PTPN9: variants seen among roughly 807,000 people sequenced by gnomAD.
PTPN9 encodes protein tyrosine phosphatase non-receptor type 9.
Under a neutral mutation model 69.8 loss-of-function variants are expected in PTPN9, and 26 were observed. That is an observed-to-expected ratio of 0.37 (90% CI 0.27 to 0.52). PTPN9 has a LOEUF of 0.52. PTPN9 is among the 20% of genes least tolerant of loss of function. PTPN9 has a pLI of 0.91. For missense variants in PTPN9, 549 were observed against 740.3 expected (o/e 0.74, Z 3.00); for synonymous variants, 274 against 272.5 (o/e 1.01, Z -0.05).
At chr15:75,570,308 C>T (rs1293588572) in intron 1 of PTPN9, 1 of 152,126 alleles carries the variant, frequency 6.6e-6, no homozygotes, top group Non-Finnish European at 1.5e-5. Context: ...ATGGTAACTT[C>T]CAGGGAGACA....
chr15:75,488,487 AAACAAGTTATATTAAAAAGGAATTATG>A (rs896730796), intron 8 of PTPN9, among the ~76,000 whole-genome samples: 4 of 152,084 alleles, frequency 2.6e-5, no homozygotes, highest in African/African-American at 4.8e-5. Context: ...ATGTTGCTGT[AAACAAGTTATATTAAAAAGGAATTATG>A]GCCAGGCACA....
intron 1 of PTPN9, among the ~76,000 whole-genome samples, chr15:75,564,622 C>T (rs2075119080): frequency 6.6e-6 from 1 of 150,690 alleles, no homozygotes; most frequent in South Asian, 2.1e-4. Flanking sequence ...TATGACACCA[C>T]ATTATCATGC....
chr15:75,576,897 C>T (rs550141901), intron 1 of PTPN9, among the ~76,000 whole-genome samples: 5 of 152,056 alleles, frequency 3.3e-5, no homozygotes, highest in Non-Finnish European at 5.9e-5. Context: ...AATATGGTAA[C>T]ATTAGGCATT....
rs1195734958 is a variant in PTPN9 at position 75,470,743 on chromosome 15, G to C, written c.1296C>G (p.Thr432=). 2 of 1,614,110 alleles carry C rather than the reference G, an allele frequency of 1.2e-6. No individual in the cohort carries two copies. Among genetic ancestry groups the C allele is most frequent in the Non-Finnish European group, 1.7e-6 (2 of 1,179,980 alleles). The change falls in exon 11 of 13, where the codon ACC becomes ACG. Residue 432 remains threonine, a synonymous_variant. Transcript: ENST00000618819. ...SRIRFGFLTV[T]NLGVENMNHY... Reference sequence around the variant, plus strand: ...GATTCATGTTCTCCACGCCTAGATTGGTCACTGTGAGGAAGCCAAATCGGA... The same window carrying C: ...GATTCATGTTCTCCACGCCTAGATTCGTCACTGTGAGGAAGCCAAATCGGA...
chr15:75,564,184 C>T (rs1399279105), intron 1 of PTPN9, among the ~76,000 whole-genome samples: 1 of 151,788 alleles, frequency 6.6e-6, no homozygotes, highest in Non-Finnish European at 1.5e-5. Flanking sequence ...TTCCTGGGCT[C>T]AATCGATCCT....
chr15:75,523,784 T>A (rs2074915178), intron 3 of PTPN9, among the ~76,000 whole-genome samples: 1 of 152,192 alleles, frequency 6.6e-6, no homozygotes, highest in African/African-American at 2.4e-5. Flanking sequence ...GTACAACTGA[T>A]TTTCCATAAT....
At position 75,480,113 on chromosome 15, in the gene PTPN9, C is replaced by T. The variant is rs72732845; in HGVS notation, c.1063-199G>A. Among the ~76,000 whole-genome samples, 439 of 152,110 alleles carry T rather than the reference C, an allele frequency of 2.9e-3. 1 individual carries two copies. Among genetic ancestry groups the T allele is most frequent in the Non-Finnish European group, 5.3e-3 (360 of 67,984 alleles). On this transcript the variant is annotated intron_variant, in intron 8 of 12. Transcript: ENST00000618819. ...AGTAGATATCTACATGCATAAAAATCAAGCTGACTCCTTCCTCACACTGTA... is the reference window on the plus strand; with the variant it reads ...AGTAGATATCTACATGCATAAAAATTAAGCTGACTCCTTCCTCACACTGTA...
At chr15:75,526,251 C>G (rs184384552) in intron 2 of PTPN9, among the ~76,000 whole-genome samples, 2 of 152,250 alleles carry the variant, frequency 1.3e-5, no homozygotes, top group Admixed American at 6.5e-5. Flanking sequence ...CTTGGCCTCC[C>G]AAAGTGCTGA....
intron 1 of PTPN9, among the ~76,000 whole-genome samples, chr15:75,530,415 TATATATTATATTATAATATATA>T (rs2074950150): frequency 9.3e-6 from 1 of 107,740 alleles, no homozygotes; most frequent in Non-Finnish European, 1.7e-5. Flanking sequence ...ATTATATTAT[TATATATTATATTATAATATATA>T]ATATATTATT....
chr15:75,549,779 A>T (rs1422432411), intron 1 of PTPN9, among the ~76,000 whole-genome samples: 1 of 152,208 alleles, frequency 6.6e-6, no homozygotes, highest in Non-Finnish European at 1.5e-5. Flanking sequence ...GTTCAAAACC[A>T]GCCTAAGCAA....
At chr15:75,486,847 C>T (rs1475021986) in intron 8 of PTPN9, among the ~76,000 whole-genome samples, 6 of 141,786 alleles carry the variant, frequency 4.2e-5, no homozygotes, top group South Asian at 2.2e-4. Context: ...TGCACTGGTG[C>T]GATCTCGGCT....
Position 75,469,949 on chromosome 15 carries a change from G to A in PTPN9, c.1410C>T (p.Asp470=), listed in dbSNP as rs1252182881. The part of the protein sequence containing the change: ...VTHFQFLSWP[D]YGVPSSAASL... ...AAGCTGCTGAGGAAGGGACACCATAGTCTGGCCAGCTCAAGAACTGGAAGT... is the reference window on the plus strand; with the variant it reads ...AAGCTGCTGAGGAAGGGACACCATAATCTGGCCAGCTCAAGAACTGGAAGT... Residue 470 remains aspartate, a synonymous_variant, in exon 12 of 13, where the codon GAC becomes GAT. Transcript: ENST00000618819. 1 of 1,614,142 alleles carries A rather than the reference G, an allele frequency of 6.2e-7. No homozygotes were observed. The highest frequency in any genetic ancestry group is 1.7e-5 in the Admixed American group (1 of 60,030).
chr15:75,479,499 G>A (rs2074615884), intron 9 of PTPN9, among the ~76,000 whole-genome samples: 1 of 152,110 alleles, frequency 6.6e-6, no homozygotes, highest in Admixed American at 6.6e-5. Flanking sequence ...TGCTATTCTT[G>A]GCCTCTCACT....
rs571404981 is a variant in PTPN9 at position 75,486,099 on chromosome 15, CA to C, written c.1062+4108del. On this transcript the variant is annotated intron_variant, in intron 8 of 12. Coordinates refer to ENST00000618819, the MANE Select transcript of PTPN9 (RefSeq NM_002833.4). The stretch of plus-strand genomic sequence containing the variant: ...TGGGCGACAAAGCGAGACTCCAACT[CA>C]AAAAAAAAAAAAAAAACAAAACTGA... Among the ~76,000 whole-genome samples, 536 of 86,966 alleles carry C rather than the reference CA, an allele frequency of 6.2e-3. 3 individuals are homozygous for C. Among genetic ancestry groups the C allele is most frequent in the African/African-American group, 0.016 (367 of 23,604 alleles). The allele number at this position is 86,966 out of a possible 152,430, so 57.1% of individuals were successfully genotyped here. A position where few individuals can be genotyped will look rare whatever the true frequency, so the allele number is the denominator to read the frequency against.
chr15:75,523,627 G>T (rs2074914570), intron 3 of PTPN9, among the ~76,000 whole-genome samples: 1 of 152,156 alleles, frequency 6.6e-6, no homozygotes, highest in South Asian at 2.1e-4. Flanking sequence ...AAGTGCCATT[G>T]TATGTTTACT....
At chr15:75,576,537 C>CA (rs1443662598) in intron 1 of PTPN9, among the ~76,000 whole-genome samples, 2 of 151,358 alleles carry the variant, frequency 1.3e-5, no homozygotes, top group African/African-American at 2.4e-5. Context: ...CGGCCAGGCG[C>CA]AGTAACTCAC....
chr15:75,516,303 CTTTT>C (rs750940118), intron 5 of PTPN9, among the ~76,000 whole-genome samples: 5 of 132,566 alleles, frequency 3.8e-5, no homozygotes, highest in Non-Finnish European at 3.2e-5. Flanking sequence ...TATGTTTCTT[CTTTT>C]TTTTTTTTTT....
intron 10 of PTPN9, among the ~76,000 whole-genome samples, chr15:75,472,811 G>A (rs2074575222): frequency 6.6e-6 from 1 of 151,572 alleles, no homozygotes; most frequent in Admixed American, 6.6e-5. Context: ...AGCCAGGCGT[G>A]GTGGCACATG....
chr15:75,550,106 G>A (rs1168479633), intron 1 of PTPN9, among the ~76,000 whole-genome samples: 1 of 151,192 alleles, frequency 6.6e-6, no homozygotes. Context: ...CAAAACAGCA[G>A]AGACCCTAAC....
Sources: gnomAD v4.1 joint callset for allele counts (sites outside exome capture counted in the v4.1 genomes callset) on GRCh38, gnomAD v4.1.1 for gene constraint, MANE v1.5 for transcripts, NCBI Gene and HGNC (gene_info 2026-07-23, HGNC 2026-07-21) for gene names.